The following RGS7 variants were observed in gnomAD, a reference collection of about 807,000 sequenced individuals.
RGS7 encodes regulator of G protein signaling 7, also known as regulator of G-protein signaling 7.
A neutral mutation model predicts 81.1 loss-of-function variants in RGS7; 27 were observed. The observed-to-expected ratio is 0.33, with a 90% CI of 0.25 to 0.46. The LOEUF is 0.46. Among genes scored for constraint, RGS7 ranks in the 20% least tolerant of loss-of-function variants. The probability of loss-of-function intolerance (pLI) is 1.00; values close to 1 mark genes in which losing one functional copy is unlikely to be tolerated. For missense variants in RGS7, 396 were observed against 607.4 expected (o/e 0.65, Z 3.66); for synonymous variants, 208 against 207.7 (o/e 1.00, Z -0.01).
At chr1:241,050,360 T>C (rs1032619137) in intron 3 of RGS7, among the ~76,000 whole-genome samples, 4 of 151,708 alleles carry the variant, frequency 2.6e-5, no homozygotes, top group African/African-American at 9.7e-5. Context: ...AATCCTCAGG[T>C]GGAAAGGGAA....
chr1:241,318,863 T>C (rs1261624343), intron 2 of RGS7, among the ~76,000 whole-genome samples: 2 of 152,224 alleles, frequency 1.3e-5, no homozygotes, highest in Admixed American at 6.5e-5. Context: ...GCAATACATA[T>C]TCGATTTGCT....
At chr1:241,140,269 G>A (rs1572862058) in intron 2 of RGS7, among the ~76,000 whole-genome samples, 1 of 152,196 alleles carries the variant, frequency 6.6e-6, no homozygotes, top group East Asian at 1.9e-4. Flanking sequence ...CTTTCCAGGG[G>A]CTGAATACAC....
chr1:241,083,225 C>CAAA (rs11304590), intron 3 of RGS7, among the ~76,000 whole-genome samples: 15 of 75,808 alleles, frequency 2.0e-4, no homozygotes, highest in Non-Finnish European at 3.8e-4. Context: ...GACTCTGTCT[C>CAAA]AAAAAAAAAA....
At chr1:241,100,465 T>C (rs367954809) in intron 2 of RGS7, among the ~76,000 whole-genome samples, 69 of 152,182 alleles carry the variant, frequency 4.5e-4, no homozygotes, top group African/African-American at 1.6e-3. Context: ...TCAACGGATG[T>C]ATTACTATGT....
intron 2 of RGS7, among the ~76,000 whole-genome samples, chr1:241,134,489 GGTAACAACCAAAT>G (rs953330071): frequency 2.0e-4 from 31 of 152,286 alleles, no homozygotes; most frequent in Middle Eastern, 3.4e-3. Flanking sequence ...ATGTAAGAGA[GGTAACAACCAAAT>G]GTAATGCGTG....
At chr1:240,869,426 G>GTCTT (rs1335093288) in intron 7 of RGS7, among the ~76,000 whole-genome samples, 18 of 152,340 alleles carry the variant, frequency 1.2e-4, no homozygotes, top group African/African-American at 4.3e-4. Context: ...AGGGTAAATG[G>GTCTT]TCTTTAATCC....
intron 6 of RGS7, among the ~76,000 whole-genome samples, chr1:240,930,398 A>G (rs1675227215): frequency 6.6e-6 from 1 of 152,058 alleles, no homozygotes; most frequent in South Asian, 2.1e-4. Flanking sequence ...CTCTGGTTCT[A>G]TGGGTCTATT....
chr1:240,902,228 A>G (rs1670128637), intron 6 of RGS7, among the ~76,000 whole-genome samples: 1 of 152,220 alleles, frequency 6.6e-6, no homozygotes, highest in South Asian at 2.1e-4. Flanking sequence ...TTTTGTAAAC[A>G]ATTGGTTGAG....
intron 6 of RGS7, among the ~76,000 whole-genome samples, chr1:240,921,144 G>C (rs1023051244): frequency 9.2e-5 from 14 of 151,978 alleles, no homozygotes; most frequent in East Asian, 1.9e-4. Context: ...GTTGTGACCT[G>C]AAGTTCACCA....
At chr1:240,792,530 A>G (rs898014132) in intron 18 of RGS7, among the ~76,000 whole-genome samples, 3 of 151,944 alleles carry the variant, frequency 2.0e-5, no homozygotes, top group African/African-American at 7.3e-5. Context: ...CCTTCTTCAG[A>G]CCCTCTTTCT....
At chr1:241,334,964 C>A (rs2082164922) in intron 2 of RGS7, among the ~76,000 whole-genome samples, 1 of 152,166 alleles carries the variant, frequency 6.6e-6, no homozygotes, top group African/African-American at 2.4e-5. Flanking sequence ...GTTTAATGTT[C>A]TGAACAATCA....
intron 3 of RGS7, among the ~76,000 whole-genome samples, chr1:241,025,907 T>A (rs115545844): frequency 6.6e-6 from 1 of 152,218 alleles, no homozygotes; most frequent in African/African-American, 2.4e-5. Context: ...AATGGAATGA[T>A]ATATTCCCTC....
At position 240,785,073 on chromosome 1, in the gene RGS7, A is replaced by G. The variant is rs76729826; in HGVS notation, c.*7-8860T>C. On this transcript the variant is annotated intron_variant, in intron 18 of 18. Transcript: ENST00000440928. ...TCCACTTATTGAACCAGGGATAGGCAGTGCTCTTAGCAGAGTCTAAACTAA... is the reference window on the plus strand; with the variant it reads ...TCCACTTATTGAACCAGGGATAGGCGGTGCTCTTAGCAGAGTCTAAACTAA... Among the ~76,000 whole-genome samples, 620 of 152,334 alleles carry G rather than the reference A, an allele frequency of 4.1e-3. 3 individuals are homozygous for G. Among genetic ancestry groups the G allele is most frequent in the African/African-American group, 0.014 (602 of 41,574 alleles).
chr1:241,263,333 A>C (rs2077430428), intron 2 of RGS7, among the ~76,000 whole-genome samples: 1 of 152,156 alleles, frequency 6.6e-6, no homozygotes, highest in East Asian at 1.9e-4. Context: ...TATAATGGGC[A>C]CACTTCCTAC....
chr1:240,793,822 C>T (rs1277799823), intron 18 of RGS7, among the ~76,000 whole-genome samples: 1 of 151,510 alleles, frequency 6.6e-6, no homozygotes, highest in African/African-American at 2.4e-5. Context: ...CCGTGTTAGC[C>T]AGGATGGTCT....
intron 2 of RGS7, among the ~76,000 whole-genome samples, chr1:241,103,610 G>A (rs189504684): frequency 7.5e-4 from 114 of 152,278 alleles, no homozygotes; most frequent in Non-Finnish European, 1.3e-3. Flanking sequence ...GGTGGCTCAC[G>A]CCAGTAATCT....
At chr1:241,267,112 G>T (rs1408701418) in intron 2 of RGS7, among the ~76,000 whole-genome samples, 1 of 152,146 alleles carries the variant, frequency 6.6e-6, no homozygotes, top group East Asian at 1.9e-4. Context: ...CAGATGTGCC[G>T]TGAGATTGGG....
At chr1:241,174,489 T>C (rs2070959713) in intron 2 of RGS7, among the ~76,000 whole-genome samples, 1 of 152,234 alleles carries the variant, frequency 6.6e-6, no homozygotes, top group Admixed American at 6.5e-5. Context: ...ACTCAGTGCA[T>C]TGCATGTCAC....
At chr1:241,005,194 T>C (rs1344942703) in intron 3 of RGS7, among the ~76,000 whole-genome samples, 1 of 152,146 alleles carries the variant, frequency 6.6e-6, no homozygotes, top group Non-Finnish European at 1.5e-5. Flanking sequence ...ATCACTTCTA[T>C]GAAGTTGCTC....
Sources: allele counts gnomAD v4.1 joint callset (sites outside exome capture counted in the v4.1 genomes callset), GRCh38; gene constraint gnomAD v4.1.1; transcripts MANE v1.5; gene names NCBI Gene and HGNC (gene_info 2026-07-23, HGNC 2026-07-21).